GALNTL6: variants seen among roughly 807,000 people sequenced by gnomAD.
The protein encoded by GALNTL6 is polypeptide N-acetylgalactosaminyltransferase like 6.
Under a neutral mutation model 73.7 loss-of-function variants are expected in GALNTL6, and 46 were observed. That is an observed-to-expected ratio of 0.62 (90% CI 0.49 to 0.80). GALNTL6 has a LOEUF of 0.80. GALNTL6 is among the 30% of genes least tolerant of loss of function. The pLI, the probability that GALNTL6 is intolerant of heterozygous loss-of-function variation, is 0.00. For missense variants in GALNTL6, 604 were observed against 755.0 expected, an observed-to-expected ratio of 0.80 and a Z score of 2.34; for synonymous variants, 259 against 263.7, an observed-to-expected ratio of 0.98 and a Z score of 0.17.
At chr4:172,925,063 G>A (rs1269533234) in intron 8 of GALNTL6, among the ~76,000 whole-genome samples, 1 of 151,748 alleles carries the variant, frequency 6.6e-6, no homozygotes, top group Non-Finnish European at 1.5e-5. Context: ...TAGTAGAGAC[G>A]GGGTTTCACT....
At chr4:172,377,833 C>A (rs138374760) in intron 5 of GALNTL6, among the ~76,000 whole-genome samples, 1 of 152,108 alleles carries the variant, frequency 6.6e-6, no homozygotes, top group African/African-American at 2.4e-5. Context: ...GCTCTGAGTG[C>A]GGGGCCTGCT....
At position 171,905,027 on chromosome 4, in the gene GALNTL6, C is replaced by T. The variant is rs187097490; in HGVS notation, c.138+90309C>T. Among the ~76,000 whole-genome samples, 5 of 152,252 alleles carry T rather than the reference C, an allele frequency of 3.3e-5. No individual in the cohort carries two copies. The East Asian group carries it at 9.6e-4, about 29-fold the overall frequency. On this transcript the variant is annotated intron_variant, in intron 2 of 12. Coordinates refer to ENST00000506823, the MANE Select transcript of GALNTL6 (RefSeq NM_001034845.3). ...CATGGAAAGGAACAACCGATACGAGCCACTGCAAAATCATGCCAAAATGTA... is the reference window on the plus strand; with the variant it reads ...CATGGAAAGGAACAACCGATACGAGTCACTGCAAAATCATGCCAAAATGTA...
intron 5 of GALNTL6, among the ~76,000 whole-genome samples, chr4:172,473,968 C>T (rs1205584785): frequency 6.6e-6 from 1 of 152,156 alleles, no homozygotes; most frequent in East Asian, 1.9e-4. Context: ...GCACAGAGCT[C>T]TGCAATGTGT....
intron 8 of GALNTL6, among the ~76,000 whole-genome samples, chr4:172,929,198 T>C (rs10520248): frequency 0.043 from 6,618 of 152,278 alleles, 195 homozygotes; most frequent in Middle Eastern, 0.068. Context: ...CTATGAGTAA[T>C]CCTGAACTCA....
chr4:172,641,889 C>T (rs75290787), intron 5 of GALNTL6, among the ~76,000 whole-genome samples: 1,773 of 151,884 alleles, frequency 0.012, 15 homozygotes, highest in Middle Eastern at 0.027. Context: ...AGCAAGAAAA[C>T]AAATAATGTG....
chr4:172,160,576 G>C (rs1159550010), intron 2 of GALNTL6, among the ~76,000 whole-genome samples: 1 of 152,026 alleles, frequency 6.6e-6, no homozygotes. Context: ...GACAGCCCAT[G>C]TAGCAAGAAA....
At chr4:172,087,612 T>C (rs978291072) in intron 2 of GALNTL6, among the ~76,000 whole-genome samples, 3 of 151,898 alleles carry the variant, frequency 2.0e-5, no homozygotes, top group Non-Finnish European at 2.9e-5. Context: ...ATGAGGAAAA[T>C]AAGTAAATAT....
At chr4:172,297,845 G>A (rs1488560823) in intron 3 of GALNTL6, among the ~76,000 whole-genome samples, 3 of 151,526 alleles carry the variant, frequency 2.0e-5, no homozygotes, top group African/African-American at 2.4e-5. Context: ...GCTCTTTTTT[G>A]GTTCCATATG....
rs1300206411 is a variant in GALNTL6, at chr4:171,905,764, A to G, written c.138+91046A>G. Among the ~76,000 whole-genome samples, 1,113 of 148,916 alleles carry G rather than the reference A, an allele frequency of 7.5e-3. 13 individuals are homozygous for G. Among genetic ancestry groups the G allele is most frequent in the African/African-American group, 0.027 (1,043 of 38,452 alleles). On this transcript the variant is annotated intron_variant, in intron 2 of 12. Transcript: ENST00000506823. ...GGAAGTAAAGCTCTCCTCAGCAAAT[A>G]TAAAAGAACAGAAATTATAACACAC...
chr4:172,617,612 G>A (rs948624237), intron 5 of GALNTL6, among the ~76,000 whole-genome samples: 2 of 151,810 alleles, frequency 1.3e-5, no homozygotes, highest in African/African-American at 4.8e-5. Flanking sequence ...GAGTAGCTAG[G>A]ACTACAGGCG....
chr4:172,142,990 T>C (rs1164929865), intron 2 of GALNTL6, among the ~76,000 whole-genome samples: 2 of 152,040 alleles, frequency 1.3e-5, no homozygotes, highest in Non-Finnish European at 2.9e-5. Context: ...ATTTAATGTA[T>C]GTATGTATGG....
chr4:172,173,172 T>C (rs1734887248), intron 2 of GALNTL6, among the ~76,000 whole-genome samples: 1 of 152,184 alleles, frequency 6.6e-6, no homozygotes, highest in Non-Finnish European at 1.5e-5. Flanking sequence ...ACTGAAACTT[T>C]CCAAAACCTG....
chr4:172,483,147 C>A (rs1490523603), intron 5 of GALNTL6, among the ~76,000 whole-genome samples: 1 of 152,036 alleles, frequency 6.6e-6, no homozygotes, highest in Non-Finnish European at 1.5e-5. Context: ...TACTAAATGT[C>A]TTGGAGTCTG....
intron 5 of GALNTL6, among the ~76,000 whole-genome samples, chr4:172,755,002 A>T (rs914536118): frequency 5.3e-5 from 8 of 152,110 alleles, no homozygotes; most frequent in African/African-American, 1.9e-4. Flanking sequence ...GCCCACCCAG[A>T]TTTTATAAAA....
At chr4:172,950,270 T>C (rs1561051334) in intron 9 of GALNTL6, among the ~76,000 whole-genome samples, 2 of 152,196 alleles carry the variant, frequency 1.3e-5, no homozygotes, top group African/African-American at 2.4e-5. Flanking sequence ...GGCCAGGCAA[T>C]GCTGACGGGA....
chr4:171,876,582 G>A (rs746554954), intron 2 of GALNTL6, among the ~76,000 whole-genome samples: 2 of 152,132 alleles, frequency 1.3e-5, no homozygotes, highest in Non-Finnish European at 2.9e-5. Context: ...TCACATGAAC[G>A]GTGGAAGCTA....
intron 11 of GALNTL6, among the ~76,000 whole-genome samples, chr4:173,011,407 G>T (rs566320846): frequency 1.3e-5 from 2 of 152,168 alleles, no homozygotes; most frequent in Admixed American, 6.5e-5. Context: ...GTGCTTGGGG[G>T]GTATTACTCA....
chr4:172,487,355 T>TTTCTTTCC (rs1733728695), intron 5 of GALNTL6, among the ~76,000 whole-genome samples: 1 of 115,794 alleles, frequency 8.6e-6, no homozygotes, highest in Non-Finnish European at 2.1e-5. Flanking sequence ...TCTTTCTTTC[T>TTTCTTTCC]TTCCTTCTTT....
intron 5 of GALNTL6, among the ~76,000 whole-genome samples, chr4:172,711,983 A>G (rs1470178754): frequency 1.3e-5 from 2 of 152,182 alleles, no homozygotes; most frequent in African/African-American, 4.8e-5. Flanking sequence ...GCAGGAAAAG[A>G]GCACTTCAAG....
Sources: gnomAD v4.1 joint callset for allele counts (sites outside exome capture counted in the v4.1 genomes callset) on GRCh38, gnomAD v4.1.1 for gene constraint, MANE v1.5 for transcripts, NCBI Gene and HGNC (gene_info 2026-07-23, HGNC 2026-07-21) for gene names.